The following ANKIB1 variants were observed in gnomAD, a reference collection of about 807,000 sequenced individuals.
ANKIB1 encodes ankyrin repeat and IBR domain-containing protein 1.
Under a neutral mutation model 122.1 loss-of-function variants are expected in ANKIB1, and 43 were observed. The ratio of observed to expected loss-of-function variants is 0.35; its 90% confidence interval spans 0.28 to 0.45. The LOEUF is 0.45. ANKIB1 is among the 20% of genes least tolerant of loss of function. The pLI, the probability that ANKIB1 is intolerant of heterozygous loss-of-function variation, is 1.00. For synonymous variants in ANKIB1, 390 were observed against 442.0 expected (o/e 0.88, Z 1.48); for missense variants, 992 against 1,329.5 (o/e 0.75, Z 3.95).
intron 7 of ANKIB1, among the ~76,000 whole-genome samples, chr7:92,348,248 T>C (rs886442587): frequency 6.6e-6 from 1 of 152,214 alleles, no homozygotes; most frequent in Non-Finnish European, 1.5e-5. Flanking sequence ...GTAGTAACTA[T>C]GTCTAAGCAA....
intron 11 of ANKIB1, among the ~76,000 whole-genome samples, chr7:92,376,448 T>A (rs1404865163): frequency 6.7e-6 from 1 of 148,690 alleles, no homozygotes. Flanking sequence ...TTTTTTTATT[T>A]TTTATTTTTT....
At chr7:92,271,905 GA>G (rs927360134) in intron 1 of ANKIB1, among the ~76,000 whole-genome samples, 3 of 152,106 alleles carry the variant, frequency 2.0e-5, no homozygotes, top group Non-Finnish European at 2.9e-5. Flanking sequence ...AATGATCAAA[GA>G]ATTTATCCTA....
At chr7:92,264,699 A>G (rs1801634879) in intron 1 of ANKIB1, among the ~76,000 whole-genome samples, 1 of 152,076 alleles carries the variant, frequency 6.6e-6, no homozygotes, top group South Asian at 2.1e-4. Context: ...GGCATAAGCC[A>G]CTGTGCCCAG....
intron 10 of ANKIB1, among the ~76,000 whole-genome samples, chr7:92,369,418 G>A (rs1379248851): frequency 1.3e-5 from 2 of 152,158 alleles, no homozygotes; most frequent in African/African-American, 4.8e-5. Context: ...GGGGTTCCTT[G>A]CAGCAAGACA....
In ANKIB1 at chr7:92,386,590, C is replaced by G; in HGVS notation, c.1699C>G (p.Arg567Gly). ...SSTGGYYRCT[R>G]YEVIQHVEEQ... The stretch of plus-strand genomic sequence containing the variant: ...CACTGGAGGTTATTACAGATGTACT[C>G]GCTATGAAGTCATTCAACACGTGGA... The change falls in exon 12 of 20, where the codon CGC (arginine) becomes GGC (glycine). Residue 567 changes from arginine (R) to glycine (G), a missense_variant. Arg to Gly is a moderately radical substitution (Grantham distance 125). Transcript: ENST00000265742. The G allele has an allele frequency of 6.2e-7, 1 of 1,604,888 alleles. No individual in the cohort carries two copies. Among genetic ancestry groups the G allele is most frequent in the Non-Finnish European group, 8.5e-7 (1 of 1,175,910 alleles).
At chr7:92,276,630 AT>A (rs1393248667) in intron 1 of ANKIB1, among the ~76,000 whole-genome samples, 1 of 152,238 alleles carries the variant, frequency 6.6e-6, no homozygotes, top group African/African-American at 2.4e-5. Context: ...GTTAAAACAA[AT>A]TTCATTGATT....
intron 1 of ANKIB1, among the ~76,000 whole-genome samples, chr7:92,247,546 A>C (rs1309125354): frequency 1.3e-5 from 2 of 152,196 alleles, no homozygotes; most frequent in Non-Finnish European, 2.9e-5. Flanking sequence ...TAAACTGTGA[A>C]TGTCTTCAAA....
chr7:92,313,805 T>G (rs1302446121), intron 3 of ANKIB1, among the ~76,000 whole-genome samples: 1 of 152,136 alleles, frequency 6.6e-6, no homozygotes, highest in African/African-American at 2.4e-5. Flanking sequence ...CCAGAAATGT[T>G]TAGCAAGTTC....
At chr7:92,261,512 A>G (rs1801564357) in intron 1 of ANKIB1, among the ~76,000 whole-genome samples, 1 of 152,184 alleles carries the variant, frequency 6.6e-6, no homozygotes, top group Admixed American at 6.5e-5. Context: ...AATGATTCCT[A>G]ACACTCGTAG....
intron 1 of ANKIB1, among the ~76,000 whole-genome samples, chr7:92,274,926 C>CA (rs954463557): frequency 1.3e-5 from 2 of 152,022 alleles, no homozygotes; most frequent in South Asian, 2.1e-4. Context: ...GACCCTGTCT[C>CA]AAAAAAAATA....
chr7:92,333,762 TCAAA>T (rs900536423), intron 5 of ANKIB1, among the ~76,000 whole-genome samples: 3 of 152,162 alleles, frequency 2.0e-5, no homozygotes, highest in Admixed American at 6.6e-5. Flanking sequence ...TGTGATAGAA[TCAAA>T]CAAATTTTGC....
At chr7:92,328,275 A>G (rs1803070205) in intron 5 of ANKIB1, among the ~76,000 whole-genome samples, 1 of 152,182 alleles carries the variant, frequency 6.6e-6, no homozygotes, top group Admixed American at 6.6e-5. Context: ...AAATTATGGT[A>G]GTTCAATTAA....
At chr7:92,393,998 A>G (rs767006515) in intron 17 of ANKIB1, among the ~76,000 whole-genome samples, 1 of 152,078 alleles carries the variant, frequency 6.6e-6, no homozygotes, top group African/African-American at 2.4e-5. Flanking sequence ...TTTAATGTAA[A>G]TTGAGTCTGG....
intron 2 of ANKIB1, among the ~76,000 whole-genome samples, chr7:92,303,945 C>G (rs896864386): frequency 1.3e-5 from 2 of 152,038 alleles, no homozygotes; most frequent in Non-Finnish European, 2.9e-5. Flanking sequence ...CACGTGGCTC[C>G]TGGATGGGTT....
At chr7:92,255,286 T>C (rs1003824680) in intron 1 of ANKIB1, among the ~76,000 whole-genome samples, 1 of 152,246 alleles carries the variant, frequency 6.6e-6, no homozygotes, top group African/African-American at 2.4e-5. Flanking sequence ...TTCTTCTGAC[T>C]TTCTAATCAA....
At chr7:92,249,294 C>T (rs988468916) in intron 1 of ANKIB1, among the ~76,000 whole-genome samples, 6 of 152,188 alleles carry the variant, frequency 3.9e-5, no homozygotes, top group African/African-American at 1.4e-4. Flanking sequence ...GTAAATTAGT[C>T]AAGGTTCCTT....
rs762725449 is a variant in ANKIB1, at chr7:92,295,090, A to G, written c.112A>G (p.Thr38Ala). The change falls in exon 2 of 20, where the codon ACA becomes GCA. Residue 38 changes from threonine (T) to alanine (A), a missense_variant. Transcript: ENST00000265742. ...PQLKESLDPN[T>A]SYGEPYQHNT... is the part of the protein sequence containing the mutation. ...GCTAAAAGAATCTCTTGATCCAAATACATCTTATGGGGAGCCCTACCAGCA... is the reference window on the plus strand; with the variant it reads ...GCTAAAAGAATCTCTTGATCCAAATGCATCTTATGGGGAGCCCTACCAGCA... 1.3e-5 allele frequency: 20 copies of G among 1,587,030 alleles called. No individual in the cohort carries two copies. The highest frequency in any genetic ancestry group is 1.6e-5 in the Non-Finnish European group (19 of 1,165,918).
intron 2 of ANKIB1, among the ~76,000 whole-genome samples, chr7:92,302,091 C>T (rs2131928516): frequency 6.6e-6 from 1 of 151,932 alleles, no homozygotes; most frequent in African/African-American, 2.4e-5. Context: ...CTGCCACCAC[C>T]CCTAGCTAAT....
chr7:92,349,947 G>A (rs1308140980), intron 7 of ANKIB1, among the ~76,000 whole-genome samples: 1 of 151,254 alleles, frequency 6.6e-6, no homozygotes, highest in Non-Finnish European at 1.5e-5. Context: ...GGCTGAGGTG[G>A]GAGGATCACT....
Sources: allele counts gnomAD v4.1 joint callset (sites outside exome capture counted in the v4.1 genomes callset), GRCh38; gene constraint gnomAD v4.1.1; transcripts MANE v1.5; gene names NCBI Gene and HGNC (gene_info 2026-07-23, HGNC 2026-07-21).